The following AFAP1L1 variants were observed in gnomAD, a reference collection of about 807,000 sequenced individuals.
The protein encoded by AFAP1L1 is actin filament-associated protein 1-like 1.
In AFAP1L1, 77 loss-of-function variants were observed where a neutral mutation model predicts 99.8. The ratio of observed to expected loss-of-function variants is 0.77; its 90% CI spans 0.64 to 0.93. The LOEUF is 0.93. Ranked by LOEUF, AFAP1L1 falls within the 40% of genes least tolerant of loss-of-function variation. The pLI is 0.00. For synonymous variants in AFAP1L1, 373 were observed against 395.3 expected (o/e 0.94, Z 0.67); for missense variants, 893 against 996.8 (o/e 0.90, Z 1.40).
At chr5:149,302,932 G>T (rs1345262407) in intron 5 of AFAP1L1, among the ~76,000 whole-genome samples, 1 of 152,178 alleles carries the variant, frequency 6.6e-6, no homozygotes, top group Non-Finnish European at 1.5e-5. Context: ...TGAGTGGGTG[G>T]TGAAATTGTT....
chr5:149,272,498 A>T (rs1420504787), intron 1 of AFAP1L1, among the ~76,000 whole-genome samples: 2 of 152,272 alleles, frequency 1.3e-5, no homozygotes, highest in African/African-American at 4.8e-5. Flanking sequence ...GGGTGGTTCT[A>T]TCCCGCACCA....
chr5:149,320,964 A>G lies in AFAP1L1; in HGVS notation c.1698+501A>G, dbSNP rs1756936393. 6.6e-6 allele frequency among the ~76,000 whole-genome samples: 1 copy of G among 152,228 alleles called. No homozygotes were observed. Among genetic ancestry groups the G allele is most frequent in the Non-Finnish European group, 1.5e-5 (1 of 68,046 alleles). ...ACAGTGAGGCCTGTGTAGCCATCAC[A>G]TGACCTGGAATGCTCCTGGCAGCAT... On this transcript the variant is annotated intron_variant, in intron 14 of 18. Transcript: ENST00000296721. The surrounding 1 kb of genome is among the most constrained non-coding windows in gnomAD (Gnocchi z 4.0).
intron 15 of AFAP1L1, among the ~76,000 whole-genome samples, chr5:149,325,092 C>T (rs1757057993): frequency 6.6e-6 from 1 of 152,134 alleles, no homozygotes; most frequent in South Asian, 2.1e-4. Flanking sequence ...TGGACCCACT[C>T]CCTAGCAAAA....
At chr5:149,277,237 C>G (rs1755362912) in intron 1 of AFAP1L1, among the ~76,000 whole-genome samples, 1 of 152,192 alleles carries the variant, frequency 6.6e-6, no homozygotes, top group Non-Finnish European at 1.5e-5. Flanking sequence ...ATTTCTTTTG[C>G]TGCGTTCTGT....
intron 15 of AFAP1L1, among the ~76,000 whole-genome samples, chr5:149,324,165 G>C (rs1175201376): frequency 6.6e-6 from 1 of 152,128 alleles, no homozygotes; most frequent in African/African-American, 2.4e-5. Flanking sequence ...AAAATAAAAG[G>C]GAAGATATCT....
At chr5:149,308,219 T>C (rs1756497127) in intron 7 of AFAP1L1, among the ~76,000 whole-genome samples, 1 of 152,210 alleles carries the variant, frequency 6.6e-6, no homozygotes, top group Admixed American at 6.5e-5. Context: ...GAATTTTTAA[T>C]CACTTTTAAA....
intron 1 of AFAP1L1, among the ~76,000 whole-genome samples, chr5:149,297,038 G>C (rs749947811): frequency 6.6e-6 from 1 of 152,190 alleles, no homozygotes; most frequent in Non-Finnish European, 1.5e-5. Flanking sequence ...CCCATGATAC[G>C]TGGGGATTCT....
intron 1 of AFAP1L1, among the ~76,000 whole-genome samples, chr5:149,297,020 G>C (rs1003752864): frequency 1.3e-5 from 2 of 152,154 alleles, no homozygotes; most frequent in African/African-American, 2.4e-5. Flanking sequence ...ACCTCCCACT[G>C]GGTCTCTCCC....
chr5:149,339,632 C>T (rs1452799273), intron 18 of AFAP1L1, among the ~76,000 whole-genome samples: 1 of 152,080 alleles, frequency 6.6e-6, no homozygotes, highest in Non-Finnish European at 1.5e-5. Flanking sequence ...GACAATAGGC[C>T]AGACTTGGCC....
chr5:149,277,994 A>G (rs1755391470), intron 1 of AFAP1L1, among the ~76,000 whole-genome samples: 1 of 152,070 alleles, frequency 6.6e-6, no homozygotes, highest in Admixed American at 6.5e-5. Flanking sequence ...CTCTCCCTCA[A>G]ATATCAGTTT....
At chr5:149,302,381 C>T (rs1352597079) in intron 4 of AFAP1L1, 37 bp from the exon 5 acceptor site, 1 of 1,506,770 alleles carries the variant, frequency 6.6e-7, no homozygotes, top group Non-Finnish European at 9.0e-7. Context: ...CCCTACCCTG[C>T]TCCGCTCCCC....
At chr5:149,331,751 G>A (rs531506032) in intron 16 of AFAP1L1, among the ~76,000 whole-genome samples, 51 of 152,328 alleles carry the variant, frequency 3.3e-4, no homozygotes, top group African/African-American at 1.2e-3. Flanking sequence ...GAAAGAAGAT[G>A]TAATTGGAAA....
intron 7 of AFAP1L1, among the ~76,000 whole-genome samples, chr5:149,308,206 A>C (rs937569472): frequency 1.1e-4 from 16 of 152,228 alleles, no homozygotes; most frequent in Non-Finnish European, 8.8e-5. Flanking sequence ...TGACAAAAAA[A>C]CAGAATTTTT....
At chr5:149,333,484 G>A (rs1757315864) in intron 17 of AFAP1L1, among the ~76,000 whole-genome samples, 1 of 152,174 alleles carries the variant, frequency 6.6e-6, no homozygotes, top group Non-Finnish European at 1.5e-5. Context: ...ACCAGGCCCT[G>A]TCCTCAGGGC....
chr5:149,335,667 AGAG>A lies in AFAP1L1; in HGVS notation c.2232_2234del (p.Arg744del), dbSNP rs768409272. ...GTCAACTGTGTTTCTGAGCTGAGGA[AGAG>A]GAGCCCATCCATCGTAGCCTCCAAC... On this transcript the variant is annotated inframe_deletion, in exon 18 of 19. Coordinates refer to ENST00000296721, the MANE Select transcript of AFAP1L1 (RefSeq NM_152406.4). 6.2e-7 allele frequency: 1 copy of A among 1,613,782 alleles called. No homozygotes were observed. Among genetic ancestry groups the A allele is most frequent in the South Asian group, 1.1e-5 (1 of 91,054 alleles).
At chr5:149,283,767 CA>C (rs1269271697) in intron 1 of AFAP1L1, among the ~76,000 whole-genome samples, 1 of 152,084 alleles carries the variant, frequency 6.6e-6, no homozygotes, top group East Asian at 1.9e-4. Flanking sequence ...GATGCAAAAC[CA>C]AGGGGGATTT....
At chr5:149,276,609 A>G (rs1277676081) in intron 1 of AFAP1L1, 5 of 152,208 alleles carry the variant, frequency 3.3e-5, no homozygotes. Context: ...TAAATAACCT[A>G]CAAATAATAC....
At chr5:149,283,632 G>T (rs908078143) in intron 1 of AFAP1L1, among the ~76,000 whole-genome samples, 6 of 151,964 alleles carry the variant, frequency 3.9e-5, no homozygotes, top group Admixed American at 1.3e-4. Flanking sequence ...TTAGAATGGA[G>T]AAATTATGAT....
Position 149,307,393 on chromosome 5 carries a change from C to T in AFAP1L1, c.536-9C>T, listed in dbSNP as rs377264353. The stretch of plus-strand genomic sequence containing the variant: ...CACAGTGATGGATCCTTTCCCGTGA[C>T]GCCTGCAGATAATGACTCTGACGCA... On this transcript the variant is annotated splice_polypyrimidine_tract_variant and intron_variant, in intron 6 of 18. Transcript: ENST00000296721. The T allele has an allele frequency of 1.9e-5, 31 of 1,613,780 alleles. 1 individual carries two copies. Among genetic ancestry groups the T allele is most frequent in the South Asian group, 1.6e-4 (15 of 91,080 alleles).
Sources: allele counts gnomAD v4.1 joint callset (sites outside exome capture counted in the v4.1 genomes callset), GRCh38; gene constraint gnomAD v4.1.1; non-coding constraint Gnocchi (gnomAD v3.1); transcripts MANE v1.5; gene names NCBI Gene and HGNC (gene_info 2026-07-23, HGNC 2026-07-21).